The following NCR1 variants were observed in gnomAD, a reference collection of about 807,000 sequenced individuals.
NCR1 encodes the protein NK cell-activating receptor.
Under a neutral mutation model 32.5 loss-of-function variants are expected in NCR1, and 30 were observed. The ratio of observed to expected loss-of-function variants is 0.92; its 90% CI spans 0.69 to 1.25. The LOEUF (loss-of-function observed/expected upper bound fraction) is 1.25. Ranked by LOEUF, NCR1 falls within the 50% of genes most tolerant of loss-of-function variation. The pLI is 0.00. For missense variants in NCR1, 369 were observed against 380.7 expected, an observed-to-expected ratio of 0.97 and a Z score of 0.26; for synonymous variants, 169 against 143.4, an observed-to-expected ratio of 1.18 and a Z score of -1.28.
the NCR1 span, among the ~76,000 whole-genome samples, chr19:54,923,233 G>A: frequency 8.5e-5 from 13 of 152,258 alleles, no homozygotes; most frequent in South Asian, 1.7e-3. Flanking sequence ...ATGAGAGACC[G>A]CGGGGCCCAC....
chr19:54,922,939 CAG>C, the NCR1 span, among the ~76,000 whole-genome samples: 1 of 151,500 alleles, frequency 6.6e-6, no homozygotes, highest in South Asian at 2.1e-4. Context: ...AAGACAGACA[CAG>C]AGAAACAAAG....
upstream of NCR1, among the ~76,000 whole-genome samples, chr19:54,903,941 C>T (rs192739996): frequency 2.6e-5 from 4 of 151,466 alleles, no homozygotes; most frequent in East Asian, 5.8e-4. Flanking sequence ...TCCTGGCCAA[C>T]GTGGTAAAAA....
At chr19:54,917,443 C>A (rs113768595), downstream of NCR1, among the ~76,000 whole-genome samples, 1 of 152,050 alleles carries the variant, frequency 6.6e-6, no homozygotes, top group African/African-American at 2.4e-5. Context: ...CCTCAGCCCC[C>A]CAAGGAGCTG....
the NCR1 span, among the ~76,000 whole-genome samples, chr19:54,933,290 C>T: frequency 6.6e-6 from 1 of 152,084 alleles, no homozygotes; most frequent in Non-Finnish European, 1.5e-5. Flanking sequence ...GGACTACAGG[C>T]ATCCGCCACC....
At chr19:54,925,801 C>G in the NCR1 span, among the ~76,000 whole-genome samples, 1 of 152,142 alleles carries the variant, frequency 6.6e-6, no homozygotes, top group Admixed American at 6.6e-5. Flanking sequence ...GAATTCGAGA[C>G]CAGCCTGGCC....
the NCR1 span, chr19:54,937,963 C>A: frequency 2.0e-6 from 2 of 988,362 alleles, no homozygotes; most frequent in Non-Finnish European, 3.2e-6. Flanking sequence ...TGAAACAGCA[C>A]ATTTCCAAAT....
downstream of NCR1, among the ~76,000 whole-genome samples, chr19:54,919,634 G>A (rs1010676706): frequency 4.5e-3 from 689 of 151,862 alleles, 1 homozygote; most frequent in African/African-American, 0.016. Context: ...GGATAACTGC[G>A]GGCGAGCCTG....
At chr19:54,917,922 C>T (rs371034258), downstream of NCR1, among the ~76,000 whole-genome samples, 32 of 152,212 alleles carry the variant, frequency 2.1e-4, no homozygotes, top group South Asian at 5.6e-3. Flanking sequence ...TCTCAGCCTA[C>T]GTAAGACGTG....
At chr19:54,916,338 T>TTTTTTTTTTTTTTTTTG (rs1556721210), downstream of NCR1, among the ~76,000 whole-genome samples, 1 of 132,024 alleles carries the variant, frequency 7.6e-6, no homozygotes, top group African/African-American at 2.9e-5. Flanking sequence ...TTTTTTTTTT[T>TTTTTTTTTTTTTTTTTG]GAGACGAAGT....
chr19:54,936,349 G>A, the NCR1 span: 1 of 1,614,052 alleles, frequency 6.2e-7, no homozygotes, highest in Non-Finnish European at 8.5e-7. Flanking sequence ...TGCCCTGCCA[G>A]GGTCAGGTGC....
the NCR1 span, chr19:54,924,006 T>A: frequency 1.1e-6 from 1 of 948,960 alleles, no homozygotes; most frequent in Non-Finnish European, 1.6e-6. Flanking sequence ...CTTGCTCTGT[T>A]GCCCAGGCTG....
the NCR1 span, among the ~76,000 whole-genome samples, chr19:54,932,794 T>C: frequency 7.9e-5 from 12 of 152,202 alleles, no homozygotes; most frequent in African/African-American, 2.9e-4. Flanking sequence ...TAGCTGGTAC[T>C]ATAGGCACGC....
chr19:54,906,829 T>A (rs2067655212), intron 3 of NCR1, 22 bp downstream of exon 3: 3 of 1,611,394 alleles, frequency 1.9e-6, no homozygotes, highest in Non-Finnish European at 1.7e-6. Context: ...GTTCTCTAAC[T>A]GGAGAGTGAT....
Position 54,906,667 on chromosome 19 carries a change from C to G in NCR1, c.215C>G (p.Pro72Arg). 6.2e-7 allele frequency: 1 copy of G among 1,614,188 alleles called. No individual in the cohort carries two copies. The highest frequency in any genetic ancestry group is 8.5e-7 in the Non-Finnish European group (1 of 1,180,034). The part of the protein sequence containing the change: ...FEGSLFAVDR[P>R]KPPERINKVQ... ...GGAAGCCTTTTTGCCGTGGACAGAC[C>G]AAAACCCCCTGAGCGGATTAACAAA... The change falls in exon 3 of 7, where the codon CCA becomes CGA. Residue 72 changes from proline to arginine, a missense_variant. Physicochemically the swap from Pro to Arg is moderately radical, Grantham distance 103. Transcript: ENST00000291890.
At chr19:54,926,002 C>CA in the NCR1 span, among the ~76,000 whole-genome samples, 9 of 126,680 alleles carry the variant, frequency 7.1e-5, no homozygotes, top group African/African-American at 2.1e-4. Flanking sequence ...GTCTCTGTCT[C>CA]AAAAAAAAGA....
At chr19:54,916,076 G>A (rs2068125672), downstream of NCR1, 1 of 151,002 alleles carries the variant, frequency 6.6e-6, no homozygotes, top group African/African-American at 2.4e-5. Context: ...TTTCGCAGAG[G>A]TCCGCCTGCT....
upstream of NCR1, among the ~76,000 whole-genome samples, chr19:54,904,534 T>TC (rs1298558248): frequency 2.7e-5 from 4 of 146,848 alleles, no homozygotes; most frequent in Admixed American, 6.9e-5. Flanking sequence ...TTCTTTTCTT[T>TC]TTTTTTTTTT....
downstream of NCR1, among the ~76,000 whole-genome samples, chr19:54,917,138 C>T (rs1033179252): frequency 1.4e-4 from 21 of 151,746 alleles, no homozygotes; most frequent in African/African-American, 3.6e-4. Flanking sequence ...TCTTGCTACT[C>T]GTTTTCTGAC....
downstream of NCR1, among the ~76,000 whole-genome samples, chr19:54,919,905 T>TG (rs2068215362): frequency 5.9e-5 from 9 of 152,184 alleles, no homozygotes. Flanking sequence ...ACTCTTGTCT[T>TG]CTGGTCACAC....
Sources: allele counts gnomAD v4.1 joint callset (sites outside exome capture counted in the v4.1 genomes callset), GRCh38; gene constraint gnomAD v4.1.1; transcripts MANE v1.5; gene names NCBI Gene and HGNC (gene_info 2026-07-23, HGNC 2026-07-21).